IGSF9B: variants seen among roughly 807,000 people sequenced by gnomAD.
IGSF9B encodes immunoglobulin superfamily member 9B, also known as protein turtle homolog B.
A neutral mutation model predicts 143.7 loss-of-function variants in IGSF9B; 48 were observed. The observed-to-expected ratio is 0.33, with a 90% CI of 0.26 to 0.42. IGSF9B has a LOEUF of 0.42. Ranked by LOEUF, IGSF9B falls within the 20% of genes least tolerant of loss-of-function variation. The pLI is 1.00. For synonymous variants in IGSF9B, 903 were observed against 833.1 expected (o/e 1.08, Z -1.44); for missense variants, 1,706 against 1,980.0 (o/e 0.86, Z 2.63).
Position 133,919,975 on chromosome 11 carries a change from C to T in IGSF9B, c.3750G>A (p.Lys1250=), listed in dbSNP as rs762650041. Residue 1250 remains lysine, a synonymous_variant, in exon 18 of 20, where the codon AAG becomes AAA. Coordinates refer to ENST00000533871, the MANE Select transcript of IGSF9B (RefSeq NM_001277285.4). ...AGGGGGAGCCTGTGGACGGCGTAGA[C>T]TTTCGAGAAAAGCTGACTGCAGCCG... ...QPPAAVSFSR[K]STPSTGSPSQ... is the part of the protein sequence containing the mutation. 2.5e-6 allele frequency: 4 copies of T among 1,574,328 alleles called. No individual in the cohort carries two copies. The Admixed American group carries it at 7.6e-5, about 30-fold the overall frequency.
chr11:133,925,200 T>C (rs1939602574), intron 14 of IGSF9B, among the ~76,000 whole-genome samples: 1 of 152,128 alleles, frequency 6.6e-6, no homozygotes, highest in Non-Finnish European at 1.5e-5. Flanking sequence ...TATTGATAAA[T>C]AAGTGTCCAG....
At chr11:133,934,411 G>C (rs2121316581) in intron 7 of IGSF9B, among the ~76,000 whole-genome samples, 1 of 152,324 alleles carries the variant, frequency 6.6e-6, no homozygotes, top group East Asian at 1.9e-4. Context: ...AGCACAGCTT[G>C]GGCACATCCT....
intron 19 of IGSF9B, among the ~76,000 whole-genome samples, chr11:133,911,112 C>A (rs949351947): frequency 6.6e-6 from 1 of 152,216 alleles, no homozygotes; most frequent in East Asian, 1.9e-4. Flanking sequence ...CAAAGCTCTG[C>A]AAAGCAACTG....
rs539995222 is a variant in IGSF9B at position 133,931,215 on chromosome 11, C to T, written c.1369-81G>A. On this transcript the variant is annotated intron_variant, in intron 10 of 19. Transcript: ENST00000533871. This position sits in a 1 kb window ranked among gnomAD's most constrained non-coding sequence, Gnocchi z 7.7. ...AAGCCCGAAGCAGATGGGGAGGACG[C>T]GCCTGAGACCCCGGCCCGCCCACGC... The T allele has an allele frequency of 7.9e-5, 113 of 1,423,510 alleles. No homozygotes were observed. The highest frequency in any genetic ancestry group is 5.0e-4 in the Admixed American group (26 of 52,130). The allele number at this position is 1,423,510 out of a possible 1,614,324, so 88.2% of individuals were successfully genotyped here. A position where few individuals can be genotyped will look rare whatever the true frequency, so the allele number is the denominator to read the frequency against.
rs1423700009 is a variant in IGSF9B, at chr11:133,921,406, A to G, written c.2328-9T>C. 1.3e-6 allele frequency: 2 copies of G among 1,489,078 alleles called. No homozygotes were observed. The highest frequency in any genetic ancestry group is 1.8e-6 in the Non-Finnish European group (2 of 1,122,150). The allele number at this position is 1,489,078 out of a possible 1,614,324, so 92.2% of individuals were successfully genotyped here. On this transcript the variant is annotated splice_polypyrimidine_tract_variant and intron_variant, in intron 17 of 19. Coordinates refer to ENST00000533871, the MANE Select transcript of IGSF9B (RefSeq NM_001277285.4). Reference sequence around the variant, plus strand: ...CCTTGCCAGAGGACAAGCTGCAAGGAGGAGCAAGAGCCGGGAGGGGATGAG... The same window carrying G: ...CCTTGCCAGAGGACAAGCTGCAAGGGGGAGCAAGAGCCGGGAGGGGATGAG...
chr11:133,917,670 T>C (rs984089085), intron 18 of IGSF9B, among the ~76,000 whole-genome samples: 3 of 152,084 alleles, frequency 2.0e-5, no homozygotes, highest in African/African-American at 7.2e-5. Flanking sequence ...TGCAGGGACC[T>C]GACCCTGCAG....
chr11:133,952,105 A>T (rs1940170884), intron 1 of IGSF9B: 1 of 452,282 alleles, frequency 2.2e-6, no homozygotes, highest in South Asian at 1.6e-5. Context: ...GCGCACTCGG[A>T]CTCTTTCTCC....
At position 133,909,940 on chromosome 11, in the gene IGSF9B, A is replaced by T. The variant is rs1050171769; in HGVS notation, c.4106-663T>A. Among the ~76,000 whole-genome samples the T allele has an allele frequency of 6.6e-6, 1 of 152,248 alleles. No individual in the cohort carries two copies. Among genetic ancestry groups the T allele is most frequent in the Non-Finnish European group, 1.5e-5 (1 of 68,040 alleles). On this transcript the variant is annotated intron_variant, in intron 19 of 19. Coordinates refer to ENST00000533871, the MANE Select transcript of IGSF9B (RefSeq NM_001277285.4). This position sits in a 1 kb window ranked among gnomAD's most constrained non-coding sequence, Gnocchi z 4.2. ...CACTACTCCGCTCCTTAAAGGGTTAACACTTGAATTGCATCTTAAATTATG... is the reference window on the plus strand; with the variant it reads ...CACTACTCCGCTCCTTAAAGGGTTATCACTTGAATTGCATCTTAAATTATG...
intron 18 of IGSF9B, among the ~76,000 whole-genome samples, chr11:133,912,971 A>G (rs1253634747): frequency 6.6e-6 from 1 of 152,212 alleles, no homozygotes; most frequent in African/African-American, 2.4e-5. Flanking sequence ...CACTCGGTGC[A>G]TATTGGAGAG....
chr11:133,940,760 C>T (rs954915178), intron 3 of IGSF9B, among the ~76,000 whole-genome samples: 1 of 152,042 alleles, frequency 6.6e-6, no homozygotes, highest in Admixed American at 6.6e-5. Flanking sequence ...TGCACGTCCT[C>T]ACACGCGTCA....
At chr11:133,925,045 G>A (rs1037728266) in intron 14 of IGSF9B, 141 bp from the exon 15 acceptor site, 3 of 692,510 alleles carry the variant, frequency 4.3e-6, no homozygotes, top group East Asian at 2.5e-5. Context: ...AATGCTAAGC[G>A]ATGGTAGCAC....
Position 133,908,266 on chromosome 11 carries a change from C to T in IGSF9B, c.*803G>A, listed in dbSNP as rs1939241515. Among the ~76,000 whole-genome samples, 1 of 152,180 alleles carries T rather than the reference C, an allele frequency of 6.6e-6. No homozygotes were observed. Among genetic ancestry groups the T allele is most frequent in the Non-Finnish European group, 1.5e-5 (1 of 68,032 alleles). On this transcript the variant is annotated 3_prime_UTR_variant, in exon 20 of 20. Coordinates refer to ENST00000533871, the MANE Select transcript of IGSF9B (RefSeq NM_001277285.4). ...TGCAGGTCTAGGAGCCTGGCCACCC[C>T]TTCTTCACCCAGGAACCAAGAAACA...
rs777639552 is a variant in IGSF9B, at chr11:133,901,934, AACAC to A, written c.*7131_*7134del. Among the ~76,000 whole-genome samples the A allele has an allele frequency of 5.3e-5, 5 of 93,882 alleles. No homozygotes were observed. The highest frequency in any genetic ancestry group is 1.7e-4 in the African/African-American group (5 of 28,770). The allele number at this position is 93,882 out of a possible 152,430, so 61.6% of individuals were successfully genotyped here. On this transcript the variant is annotated 3_prime_UTR_variant, in exon 20 of 20. Coordinates refer to ENST00000533871, the MANE Select transcript of IGSF9B (RefSeq NM_001277285.4). ...ACACACAACACACACCAAACCACAC[AACAC>A]ACACACACATCACACACATGCACAC...
chr11:133,947,708 T>TCTCTC (rs1940079154), intron 1 of IGSF9B, among the ~76,000 whole-genome samples: 3 of 134,800 alleles, frequency 2.2e-5, no homozygotes, highest in Admixed American at 7.3e-5. Context: ...TCTGTGTTTG[T>TCTCTC]TCTCTCTCTC....
At position 133,920,936 on chromosome 11, in the gene IGSF9B, G is replaced by C. The variant is rs1417572236; in HGVS notation, c.2789C>G (p.Pro930Arg). Residue 930 changes from proline (P) to arginine (R), a missense_variant, in exon 18 of 20, where the codon CCT becomes CGT. Transcript: ENST00000533871. ...CTCCAGCCCGCGGGGCTGGAACCGA[G>C]GGCTGTATGCTGGTGGTGGCAGGTA... is the stretch of plus-strand genomic sequence containing the variant. ...ESYLPPPAYS[P>R]RFQPRGLEGP... The C allele has an allele frequency of 1.9e-6, 3 of 1,610,498 alleles. No homozygotes were observed. The highest frequency in any genetic ancestry group is 1.3e-5 in the African/African-American group (1 of 75,036).
rs551081434 is a variant in IGSF9B at position 133,914,603 on chromosome 11, C to T, written c.3984-2596G>A. On this transcript the variant is annotated intron_variant, in intron 18 of 19. Transcript: ENST00000533871. ...AGAAACAGCCAAGCTCCAGCCCTTC[C>T]GGGACACCTGCTGTCCACCTGTTTA... Among the ~76,000 whole-genome samples, 4 of 152,188 alleles carry T rather than the reference C, an allele frequency of 2.6e-5. No homozygotes were observed. In the South Asian group the frequency reaches 6.2e-4, roughly 24 times the overall value.
chr11:133,933,210 C>G (rs1347258966), intron 7 of IGSF9B, among the ~76,000 whole-genome samples: 1 of 152,202 alleles, frequency 6.6e-6, no homozygotes, highest in Non-Finnish European at 1.5e-5. Flanking sequence ...ACGAGGTCCT[C>G]TCAATGTCCA....
intron 11 of IGSF9B, among the ~76,000 whole-genome samples, chr11:133,930,616 CTGAGA>C: frequency 6.6e-6 from 1 of 152,274 alleles, no homozygotes; most frequent in African/African-American, 2.4e-5. Context: ...CTGCCCTCAT[CTGAGA>C]TGCTGCACAG....
In IGSF9B at chr11:133,898,255, G is replaced by A. The variant is rs1939054665; in HGVS notation, c.*10814C>T. ...AAGAAATCTCATGACGAAACTGACAGTCATATCCAGAAAAGAAGAACTACA... is the reference window on the plus strand; with the variant it reads ...AAGAAATCTCATGACGAAACTGACAATCATATCCAGAAAAGAAGAACTACA... On this transcript the variant is annotated 3_prime_UTR_variant, in exon 20 of 20. Transcript: ENST00000533871. 1 of 152,282 alleles carries A rather than the reference G, an allele frequency of 6.6e-6. No homozygotes were observed. Among genetic ancestry groups the A allele is most frequent in the Non-Finnish European group, 1.5e-5 (1 of 68,100 alleles). 9.4% of individuals were successfully genotyped at this position (152,282 alleles called of 1,614,324 possible).
Sources: gnomAD v4.1 joint callset for allele counts (sites outside exome capture counted in the v4.1 genomes callset) on GRCh38, gnomAD v4.1.1 for gene constraint, Gnocchi (gnomAD v3.1) non-coding constraint, MANE v1.5 for transcripts, NCBI Gene and HGNC (gene_info 2026-07-23, HGNC 2026-07-21) for gene names.